CDC25C: variants seen among roughly 807,000 people sequenced by gnomAD.
CDC25C encodes M-phase inducer phosphatase 3.
In CDC25C, 48 loss-of-function variants were observed where a neutral mutation model predicts 52.5. That is an observed-to-expected ratio of 0.91 (90% CI 0.72 to 1.16). The LOEUF is 1.16. Ranked by LOEUF, CDC25C falls within the 50% of genes most tolerant of loss-of-function variation. The pLI, the probability that CDC25C is intolerant of heterozygous loss-of-function variation, is 0.00. For synonymous variants in CDC25C, 187 were observed against 206.5 expected, an observed-to-expected ratio of 0.91 and a Z score of 0.81; for missense variants, 510 against 566.1, an observed-to-expected ratio of 0.90 and a Z score of 1.01.
intron 6 of CDC25C, among the ~76,000 whole-genome samples, chr5:138,323,970 A>AC (rs1759647761): frequency 6.9e-6 from 1 of 145,514 alleles, no homozygotes; most frequent in South Asian, 2.2e-4. Context: ...AAAAAAAAAA[A>AC]AAACAAATTC....
At chr5:138,305,388 T>A (rs1215384702) in intron 7 of CDC25C, among the ~76,000 whole-genome samples, 1 of 152,176 alleles carries the variant, frequency 6.6e-6, no homozygotes, top group Non-Finnish European at 1.5e-5. Flanking sequence ...CTTGGACTAT[T>A]TGCAATTACT....
Position 138,292,002 on chromosome 5 carries a change from T to C in CDC25C, c.730A>G (p.Lys244Glu). ...DNTIPDKVKK[K>E]YFSGQGKLRK... is the part of the protein sequence containing the mutation. ...AGCTTTCCTTGGCCAGAAAAATACTTTTTTTTAACTTTATCTGGTATTGTG... is the reference window on the plus strand; with the variant it reads ...AGCTTTCCTTGGCCAGAAAAATACTCTTTTTTAACTTTATCTGGTATTGTG... The change falls in exon 8 of 14, where the codon AAG becomes GAG. Residue 244 changes from lysine to glutamate, a missense_variant. Transcript: ENST00000323760. 1 of 1,610,238 alleles carries C rather than the reference T, an allele frequency of 6.2e-7. No individual in the cohort carries two copies. Among genetic ancestry groups the C allele is most frequent in the Non-Finnish European group, 8.5e-7 (1 of 1,178,074 alleles).
intron 7 of CDC25C, among the ~76,000 whole-genome samples, chr5:138,309,810 G>A (rs547398666): frequency 2.0e-5 from 3 of 149,950 alleles, no homozygotes; most frequent in East Asian, 4.0e-4. Flanking sequence ...AGGTTCAAGC[G>A]ATTCCCCTGC....
chr5:138,321,783 C>A lies in CDC25C; in HGVS notation c.460-2409G>T, dbSNP rs1446538565. On this transcript the variant is annotated intron_variant, in intron 6 of 13. Coordinates refer to ENST00000323760, the MANE Select transcript of CDC25C (RefSeq NM_001790.5). ...AAAAAAAAAAAAAAAAAAAAAAAAA[C>A]CATGATCAACTTTATCTTCATAGGA... is the stretch of plus-strand genomic sequence containing the variant. 2.6e-3 allele frequency among the ~76,000 whole-genome samples: 274 copies of A among 107,442 alleles called. 2 individuals are homozygous for A. Among genetic ancestry groups the A allele is most frequent in the African/African-American group, 9.6e-3 (251 of 26,132 alleles). 70.5% of individuals were successfully genotyped at this position (107,442 alleles called of 152,430 possible). A position where few individuals can be genotyped will look rare whatever the true frequency, so the allele number is the denominator to read the frequency against.
At chr5:138,302,231 G>A (rs548144083) in intron 7 of CDC25C, among the ~76,000 whole-genome samples, 10 of 148,154 alleles carry the variant, frequency 6.7e-5, no homozygotes, top group Admixed American at 2.0e-4. Context: ...TCCTGACCTC[G>A]AGTGATCCAC....
At chr5:138,323,627 C>G (rs904448681) in intron 6 of CDC25C, among the ~76,000 whole-genome samples, 2 of 151,982 alleles carry the variant, frequency 1.3e-5, no homozygotes, top group African/African-American at 4.8e-5. Flanking sequence ...AGCATTTTCC[C>G]TCAAACTAGA....
chr5:138,326,973 A>T (rs1418513663), intron 4 of CDC25C, among the ~76,000 whole-genome samples: 1 of 148,852 alleles, frequency 6.7e-6, no homozygotes, highest in African/African-American at 2.5e-5. Context: ...AAAAAAAAAA[A>T]AGGCTGGGCG....
intron 7 of CDC25C, among the ~76,000 whole-genome samples, chr5:138,316,980 T>G (rs1758926585): frequency 6.6e-6 from 1 of 151,882 alleles, no homozygotes; most frequent in South Asian, 2.1e-4. Flanking sequence ...GGCAGAAAGG[T>G]TTCTGGCCAG....
upstream of CDC25C, chr5:138,335,252 A>C (rs1029587712): frequency 6.6e-6 from 1 of 152,252 alleles, no homozygotes; most frequent in Non-Finnish European, 1.5e-5. Flanking sequence ...TGTGTTTTCT[A>C]TTCCTGGTTC....
chr5:138,289,452 C>G (rs11567998), intron 10 of CDC25C, 49 bp downstream of exon 10: 18,507 of 1,335,852 alleles, frequency 0.014, 206 homozygotes, highest in Non-Finnish European at 0.017. Flanking sequence ...ACAGAAGAGA[C>G]CAGATGGTAG....
chr5:138,328,406 A>G (rs948330566), intron 4 of CDC25C, 78 bp downstream of exon 4: 2 of 1,330,322 alleles, frequency 1.5e-6, no homozygotes, highest in African/African-American at 1.4e-5. Flanking sequence ...TGTACTCTGC[A>G]GAGTCTGCAC....
chr5:138,325,773 A>C lies in CDC25C; in HGVS notation c.459+42T>G, dbSNP rs201243349. On this transcript the variant is annotated intron_variant, in intron 6 of 13. Coordinates refer to ENST00000323760, the MANE Select transcript of CDC25C (RefSeq NM_001790.5). Reference sequence around the variant, plus strand: ...TGATACCAAGTTTCTTCACTCAAAAAATAAAACTGCCAATATATCTAGGTT... The same window carrying C: ...TGATACCAAGTTTCTTCACTCAAAACATAAAACTGCCAATATATCTAGGTT... 7 of 1,426,354 alleles carry C rather than the reference A, an allele frequency of 4.9e-6. No homozygotes were observed. In the Admixed American group the frequency reaches 1.2e-4, roughly 24 times the overall value. 88.4% of individuals were successfully genotyped at this position (1,426,354 alleles called of 1,614,324 possible).
At chr5:138,333,032 G>A (rs11567952), upstream of CDC25C, among the ~76,000 whole-genome samples, 9 of 152,074 alleles carry the variant, frequency 5.9e-5, no homozygotes, top group African/African-American at 1.2e-4. Flanking sequence ...ATTCTGATTC[G>A]GGATGTCTGG....
chr5:138,313,242 G>A lies in CDC25C; in HGVS notation c.615+5977C>T, dbSNP rs964226255. On this transcript the variant is annotated intron_variant, in intron 7 of 13. Transcript: ENST00000323760. ...AATACAAAAAAAATTAGCCGGCCAC[G>A]GTGGGGCATGCCTGGAATCCCAGCT... 4.6e-5 allele frequency among the ~76,000 whole-genome samples: 7 copies of A among 152,010 alleles called. No individual in the cohort carries two copies. In the South Asian group the frequency reaches 6.2e-4, roughly 13 times the overall value.
At chr5:138,337,268 ACATT>A (rs1760767927) in intron 1 of CDC25C, 1 of 152,488 alleles carries the variant, frequency 6.6e-6, no homozygotes, top group Non-Finnish European at 1.5e-5. Context: ...ACTAACGTCT[ACATT>A]CAATCTCTTT....
chr5:138,327,227 C>T (rs1235771173), intron 4 of CDC25C, among the ~76,000 whole-genome samples: 1 of 151,436 alleles, frequency 6.6e-6, no homozygotes, highest in Non-Finnish European at 1.5e-5. Context: ...TGCACTCCAT[C>T]CTGGCAACAG....
At chr5:138,307,150 C>G (rs1230875576) in intron 7 of CDC25C, among the ~76,000 whole-genome samples, 2 of 151,946 alleles carry the variant, frequency 1.3e-5, no homozygotes, top group African/African-American at 4.8e-5. Flanking sequence ...AGCCCCCTAT[C>G]CCTTTTGTAA....
rs183591402 is a variant in CDC25C at position 138,296,782 on chromosome 5, T to A, written c.616-4666A>T. On this transcript the variant is annotated intron_variant, in intron 7 of 13. Transcript: ENST00000323760. ...CACCGCACACAGCTAATTTTTTGTA[T>A]TTTTAGTAGAGACGGGGTTTCACCG... 2.0e-5 allele frequency among the ~76,000 whole-genome samples: 3 copies of A among 150,828 alleles called. No individual in the cohort carries two copies. The East Asian group carries it at 5.9e-4, about 29-fold the overall frequency.
At chr5:138,319,090 G>T in intron 7 of CDC25C, 129 bp downstream of exon 7, 1 of 732,436 alleles carries the variant, frequency 1.4e-6, no homozygotes, top group Non-Finnish European at 2.2e-6. Flanking sequence ...TTCTGGCTAT[G>T]AGGGTTGCTG....
Sources: allele counts gnomAD v4.1 joint callset (sites outside exome capture counted in the v4.1 genomes callset), GRCh38; gene constraint gnomAD v4.1.1; transcripts MANE v1.5; gene names NCBI Gene and HGNC (gene_info 2026-07-23, HGNC 2026-07-21).